COLQ: variants seen among roughly 807,000 people sequenced by gnomAD.
COLQ encodes the protein acetylcholinesterase collagenic tail peptide.
Under a neutral mutation model 69.0 loss-of-function variants are expected in COLQ, and 48 were observed. That is an observed-to-expected ratio of 0.70 (90% CI 0.55 to 0.88). The LOEUF (loss-of-function observed/expected upper bound fraction) is 0.88. Among genes scored for constraint, COLQ ranks in the 40% least tolerant of loss-of-function variants. The pLI, the probability that COLQ is intolerant of heterozygous loss-of-function variation, is 0.00. For synonymous variants in COLQ, 217 were observed against 211.2 expected (o/e 1.03, Z -0.24); for missense variants, 618 against 594.6 (o/e 1.04, Z -0.41).
chr3:15,459,453 T>A (rs1349517297), intron 12 of COLQ, among the ~76,000 whole-genome samples: 1 of 151,942 alleles, frequency 6.6e-6, no homozygotes, highest in Non-Finnish European at 1.5e-5. Flanking sequence ...AAAAAAATTT[T>A]TTTACCACTT....
intron 6 of COLQ, among the ~76,000 whole-genome samples, chr3:15,476,872 C>G (rs901909434): frequency 6.6e-6 from 1 of 152,192 alleles, no homozygotes. Context: ...AAAGGAGAAC[C>G]ACGGCCCCTG....
chr3:15,479,260 G>A, intron 4 of COLQ, 78 bp downstream of exon 4: 1 of 1,482,088 alleles, frequency 6.7e-7, no homozygotes, highest in Admixed American at 1.7e-5. Flanking sequence ...TCTCAACTAG[G>A]AAATTCTCAG....
chr3:15,500,395 G>A (rs1379130681), intron 1 of COLQ, among the ~76,000 whole-genome samples: 2 of 151,948 alleles, frequency 1.3e-5, no homozygotes, highest in Admixed American at 6.5e-5. Context: ...ATTTCATTTC[G>A]CAAACCTTCA....
At chr3:15,514,952 T>C (rs999988716) in intron 1 of COLQ, among the ~76,000 whole-genome samples, 4 of 152,252 alleles carry the variant, frequency 2.6e-5, no homozygotes, top group Admixed American at 6.5e-5. Flanking sequence ...TTTTTAAATG[T>C]TAAAGCATTC....
At position 15,457,100 on chromosome 3, in the gene COLQ, A is replaced by G. The variant is rs532967867; in HGVS notation, c.955-521T>C. ...CGGCCTCCCAAAGTTCTGGGATTACAGGCATGAGCCACCGCGCCCGGCCTC... is the reference window on the plus strand; with the variant it reads ...CGGCCTCCCAAAGTTCTGGGATTACGGGCATGAGCCACCGCGCCCGGCCTC... On this transcript the variant is annotated intron_variant, in intron 13 of 16. Coordinates refer to ENST00000383788, the MANE Select transcript of COLQ (RefSeq NM_005677.4). Among the ~76,000 whole-genome samples the G allele has an allele frequency of 2.5e-3, 380 of 152,296 alleles. 1 individual carries two copies. The highest frequency in any genetic ancestry group is 8.8e-3 in the African/African-American group (367 of 41,546).
intron 8 of COLQ, among the ~76,000 whole-genome samples, 200 bp downstream of exon 8, chr3:15,474,725 C>G (rs1351324433): frequency 6.6e-6 from 1 of 152,212 alleles, no homozygotes; most frequent in Non-Finnish European, 1.5e-5. Flanking sequence ...CTATGGGGAG[C>G]CCTTCTCTTA....
chr3:15,492,661 C>T (rs779709917), intron 1 of COLQ, among the ~76,000 whole-genome samples: 6 of 129,752 alleles, frequency 4.6e-5, no homozygotes, highest in African/African-American at 1.4e-4. Flanking sequence ...AGCGAGACTC[C>T]GTCTCAAAAA....
chr3:15,476,318 AG>A (rs2062377233), intron 6 of COLQ, among the ~76,000 whole-genome samples: 1 of 152,264 alleles, frequency 6.6e-6, no homozygotes, highest in South Asian at 2.1e-4. Context: ...AATTTAGTAA[AG>A]GTTAATTCAA....
chr3:15,497,781 G>T (rs1270976383), intron 1 of COLQ, among the ~76,000 whole-genome samples: 6 of 152,198 alleles, frequency 3.9e-5, no homozygotes, highest in Non-Finnish European at 7.3e-5. Flanking sequence ...ATTGTAGTGA[G>T]TTGGGTCTCA....
At position 15,475,488 on chromosome 3, in the gene COLQ, C is replaced by T. The variant is rs773689531; in HGVS notation, c.466-1G>A. The T allele has an allele frequency of 3.8e-6, 6 of 1,593,488 alleles. No homozygotes were observed. Among genetic ancestry groups the T allele is most frequent in the Non-Finnish European group, 5.1e-6 (6 of 1,168,550 alleles). On this transcript the variant is annotated splice_acceptor_variant, in intron 6 of 16. Coordinates refer to ENST00000383788, the MANE Select transcript of COLQ (RefSeq NM_005677.4). LOFTEE classifies it high-confidence loss of function. ...TCATACCCAGGTCACCTTTTTCACC[C>T]TGTGGGAATTAGAAGAAGAAAAGAC...
intron 1 of COLQ, among the ~76,000 whole-genome samples, chr3:15,496,890 GA>G (rs2062753683): frequency 6.6e-6 from 1 of 152,146 alleles, no homozygotes; most frequent in Admixed American, 6.5e-5. Flanking sequence ...TTTACTCTTG[GA>G]AAGACATGGA....
chr3:15,518,517 T>A (rs901078920), intron 1 of COLQ, among the ~76,000 whole-genome samples: 5 of 152,256 alleles, frequency 3.3e-5, no homozygotes, highest in African/African-American at 1.2e-4. Flanking sequence ...ATTTCTATCA[T>A]CAGTTCTGGC....
Position 15,458,216 on chromosome 3 carries a change from C to A in COLQ, c.924G>T (p.Val308=). Residue 308 remains valine, a synonymous_variant, in exon 13 of 17, where the codon GTG becomes GTT. Transcript: ENST00000383788. ...NVNNPSYGES[V]YGPSSPRVPV... is the part of the protein sequence containing the mutation. Reference sequence around the variant, plus strand: ...GAACTCGCGGGGAACTGGGCCCATACACAGATTCCCCGTAGGAAGGGTTAT... The same window carrying A: ...GAACTCGCGGGGAACTGGGCCCATAAACAGATTCCCCGTAGGAAGGGTTAT... 1 of 1,614,082 alleles carries A rather than the reference C, an allele frequency of 6.2e-7. No homozygotes were observed. Among genetic ancestry groups the A allele is most frequent in the Non-Finnish European group, 8.5e-7 (1 of 1,180,024 alleles).
intron 1 of COLQ, among the ~76,000 whole-genome samples, chr3:15,510,699 C>G (rs917449810): frequency 2.9e-5 from 4 of 138,468 alleles, no homozygotes; most frequent in Non-Finnish European, 6.1e-5. Context: ...CAGAGTGAGA[C>G]AAGGAGGGAA....
At chr3:15,521,001 G>A (rs757631796) in intron 1 of COLQ, among the ~76,000 whole-genome samples, 11 of 152,090 alleles carry the variant, frequency 7.2e-5, no homozygotes, top group Non-Finnish European at 1.5e-4. Context: ...CAACTGCCCC[G>A]CCGCTGTTCA....
rs147013376 is a variant in COLQ, at chr3:15,463,946, A to G, written c.814+2395T>C. On this transcript the variant is annotated intron_variant, in intron 12 of 16. Transcript: ENST00000383788. ...GCGCAGCAAACATAAGTTATTACCC[A>G]TACTAATCAGTGTTTGTTCTCCCAG... 7.3e-3 allele frequency among the ~76,000 whole-genome samples: 1,109 copies of G among 152,332 alleles called. 18 individuals carry two copies. The highest frequency in any genetic ancestry group is 0.02 in the Middle Eastern group (6 of 294).
chr3:15,520,473 GA>G (rs2063121165), intron 1 of COLQ, among the ~76,000 whole-genome samples: 2 of 152,216 alleles, frequency 1.3e-5, no homozygotes, highest in South Asian at 4.1e-4. Flanking sequence ...CCCTCTCTGA[GA>G]GCCTGGCATT....
intron 8 of COLQ, 78 bp downstream of exon 8, chr3:15,474,847 C>G: frequency 6.6e-7 from 1 of 1,514,330 alleles, no homozygotes; most frequent in South Asian, 1.1e-5. Context: ...AGACCTGGAC[C>G]CATTCTCTGC....
chr3:15,487,882 G>C (rs2062599506), intron 3 of COLQ, among the ~76,000 whole-genome samples: 1 of 152,146 alleles, frequency 6.6e-6, no homozygotes, highest in South Asian at 2.1e-4. Flanking sequence ...AAGGGGCACT[G>C]TCATCAAGTG....
Sources: gnomAD v4.1 joint callset for allele counts (sites outside exome capture counted in the v4.1 genomes callset) on GRCh38, gnomAD v4.1.1 for gene constraint, MANE v1.5 for transcripts, NCBI Gene and HGNC (gene_info 2026-07-23, HGNC 2026-07-21) for gene names.